PRAMEF12: variants seen among roughly 807,000 people sequenced by gnomAD.
PRAMEF12 encodes PRAME family member 12.
In PRAMEF12, 24 loss-of-function variants were observed where a neutral mutation model predicts 24.6. That is an observed-to-expected ratio of 0.98 (90% CI 0.71 to 1.37). PRAMEF12 has a LOEUF of 1.37. Ranked by LOEUF, PRAMEF12 falls within the 40% of genes most tolerant of loss-of-function variation. PRAMEF12 has a pLI of 0.00. For synonymous variants in PRAMEF12, 286 were observed against 242.6 expected (o/e 1.18, Z -1.66); for missense variants, 646 against 580.3 (o/e 1.11, Z -1.16).
chr1:12,776,918 T>G (rs1639058529), intron 2 of PRAMEF12, 93 bp from the exon 3 acceptor site: 2 of 1,312,772 alleles, frequency 1.5e-6, no homozygotes, highest in Non-Finnish European at 2.1e-6. Context: ...TATCCTCAGA[T>G]AAGCAGAACA....
chr1:12,777,447 G>T lies in PRAMEF12; in HGVS notation c.1300G>T (p.Ala434Ser). ...LCWGRFSQLG[A>S]ELMKTLRDLR... ...CTGGGGAAGATTTTCTCAACTTGGG[G>T]CTGAGCTGATGAAGACACTGAGGGA... The change falls in exon 3 of 3, where the codon GCT becomes TCT. Residue 434 changes from alanine (A) to serine (S), a missense_variant. Ala to Ser is a moderately conservative substitution (Grantham distance 99). Coordinates refer to ENST00000357726, the MANE Select transcript of PRAMEF12 (RefSeq NM_001080830.5). 6.2e-7 allele frequency: 1 copy of T among 1,614,062 alleles called. No individual in the cohort carries two copies. The highest frequency in any genetic ancestry group is 1.7e-4 in the Middle Eastern group (1 of 6,060).
intron 2 of PRAMEF12, 116 bp from the exon 3 acceptor site, chr1:12,776,895 C>A: frequency 1.8e-6 from 2 of 1,098,362 alleles, no homozygotes; most frequent in South Asian, 3.0e-5. Flanking sequence ...ATTCCCACAC[C>A]CCAGGTGCTG....
Position 12,774,712 on chromosome 1 carries a change from G to T in PRAMEF12, c.-156G>T. ...GACATTCTTTATGGTACCAGCAAGGGCAGAATTACAGATTTGTGTCCAGAA... is the reference window on the plus strand; with the variant it reads ...GACATTCTTTATGGTACCAGCAAGGTCAGAATTACAGATTTGTGTCCAGAA... On this transcript the variant is annotated 5_prime_UTR_variant, in exon 1 of 3. Coordinates refer to ENST00000357726, the MANE Select transcript of PRAMEF12 (RefSeq NM_001080830.5). 2 of 684,286 alleles carry T rather than the reference G, an allele frequency of 2.9e-6. No individual in the cohort carries two copies. Among genetic ancestry groups the T allele is most frequent in the Non-Finnish European group, 4.8e-6 (2 of 413,998 alleles). 42.4% of individuals were successfully genotyped at this position (684,286 alleles called of 1,614,324 possible).
rs1639037855 is a variant in PRAMEF12 at position 12,775,603 on chromosome 1, G to T, written c.348G>T (p.Trp116Cys). ...RNVDENFWGI[W>C]SGASALSPEA... ...TGGATGAGAACTTCTGGGGCATATG[G>T]TCTGGAGCTTCTGCACTCTCCCCAG... The change falls in exon 2 of 3, where the codon TGG becomes TGT. Residue 116 changes from tryptophan (W) to cysteine (C), a missense_variant. Transcript: ENST00000357726. 2 of 1,613,910 alleles carry T rather than the reference G, an allele frequency of 1.2e-6. No individual in the cohort carries two copies. The highest frequency in any genetic ancestry group is 1.7e-6 in the Non-Finnish European group (2 of 1,180,010).
In PRAMEF12 at chr1:12,777,463, C is replaced by T; in HGVS notation, c.1316C>T (p.Thr439Ile). 6.2e-7 allele frequency: 1 copy of T among 1,614,146 alleles called. No individual in the cohort carries two copies. Among genetic ancestry groups the T allele is most frequent in the Non-Finnish European group, 8.5e-7 (1 of 1,180,014 alleles). The change falls in exon 3 of 3, where the codon ACA becomes ATA. Residue 439 changes from threonine to isoleucine, a missense_variant. Transcript: ENST00000357726. ...FSQLGAELMKTLRDLRQPKII... is the reference protein window; with the variant it reads ...FSQLGAELMKILRDLRQPKII... ...CAACTTGGGGCTGAGCTGATGAAGACACTGAGGGACTTAAGGCAGCCCAAG... is the reference window on the plus strand; with the variant it reads ...CAACTTGGGGCTGAGCTGATGAAGATACTGAGGGACTTAAGGCAGCCCAAG...
At position 12,774,599 on chromosome 1, in the gene PRAMEF12, C is replaced by T. The variant is rs923184376; in HGVS notation, c.-269C>T. On this transcript the variant is annotated 5_prime_UTR_variant, in exon 1 of 3. The change creates a new upstream start codon in the 5' untranslated region. Coordinates refer to ENST00000357726, the MANE Select transcript of PRAMEF12 (RefSeq NM_001080830.5). ...GCTTAGCTTTCAGGATCCTCAGCAA[C>T]GCTTCCCAGTGTTACTGAGATTTAG... Among the ~76,000 whole-genome samples, 11 of 152,268 alleles carry T rather than the reference C, an allele frequency of 7.2e-5. No homozygotes were observed. Among genetic ancestry groups the T allele is most frequent in the East Asian group, 1.9e-4 (1 of 5,178 alleles).
rs183210737 is a variant in PRAMEF12 at position 12,777,351 on chromosome 1, G to A, written c.1204G>A (p.Gly402Arg). 42 of 1,613,570 alleles carry A rather than the reference G, an allele frequency of 2.6e-5. No individual in the cohort carries two copies. Among genetic ancestry groups the A allele is most frequent in the South Asian group, 2.5e-4 (23 of 91,060 alleles). ...GGAGAACCTGCTGCGCCACACCGTC[G>A]GGCTGAGCAAGCTAAGCCTGGAGCT... ...ALENLLRHTV[G>R]LSKLSLELYP... Residue 402 changes from glycine to arginine, a missense_variant, in exon 3 of 3, where the codon GGG becomes AGG. Transcript: ENST00000357726.
chr1:12,775,194 A>T (rs1375643575), intron 1 of PRAMEF12, 40 bp downstream of exon 1: 6 of 1,576,968 alleles, frequency 3.8e-6, no homozygotes, highest in Non-Finnish European at 4.3e-6. Context: ...GGGCTCAGGC[A>T]TCCAGGGTAG....
At position 12,777,551 on chromosome 1, in the gene PRAMEF12, G is replaced by T; in HGVS notation, c.1404G>T (p.Glu468Asp). Residue 468 changes from glutamate to aspartate, a missense_variant, in exon 3 of 3, where the codon GAG (glutamate) becomes GAT (aspartate). Transcript: ENST00000357726. ...RCGIRASYDL[E>D]PSHCLLNACC... is the part of the protein sequence containing the mutation. ...GCATCAGGGCCTCCTATGACCTGGA[G>T]CCCAGTCACTGTCTGTTGAATGCCT... 1.2e-6 allele frequency: 2 copies of T among 1,614,134 alleles called. No individual in the cohort carries two copies.
chr1:12,775,103 G>A lies in PRAMEF12; in HGVS notation c.236G>A (p.Arg79Gln), dbSNP rs769755107. 12 of 1,614,046 alleles carry A rather than the reference G, an allele frequency of 7.4e-6. No homozygotes were observed. The highest frequency in any genetic ancestry group is 2.2e-5 in the East Asian group (1 of 44,874). The stretch of plus-strand genomic sequence containing the variant: ...AAGTCATGTAATCTAGAGATCTTTC[G>A]AGCTGTGCTGGAGGGGCTTGATGCA... ...LMKSCNLEIF[R>Q]AVLEGLDALL... The change falls in exon 1 of 3, where the codon CGA becomes CAA. Residue 79 changes from arginine to glutamine, a missense_variant. Coordinates refer to ENST00000357726, the MANE Select transcript of PRAMEF12 (RefSeq NM_001080830.5).
chr1:12,777,092 C>T lies in PRAMEF12; in HGVS notation c.945C>T (p.Cys315=). 2 of 1,613,900 alleles carry T rather than the reference C, an allele frequency of 1.2e-6. No individual in the cohort carries two copies. Among genetic ancestry groups the T allele is most frequent in the Non-Finnish European group, 1.7e-6 (2 of 1,179,964 alleles). The change falls in exon 3 of 3, where the codon TGC becomes TGT. Residue 315 remains cysteine, a synonymous_variant. Coordinates refer to ENST00000357726, the MANE Select transcript of PRAMEF12 (RefSeq NM_001080830.5). ...SESDLKHLSW[C]PSIRQLKELD... Reference sequence around the variant, plus strand: ...CGGACCTGAAGCATCTCTCTTGGTGCCCGAGCATCCGTCAGCTAAAAGAGC... The same window carrying T: ...CGGACCTGAAGCATCTCTCTTGGTGTCCGAGCATCCGTCAGCTAAAAGAGC...
At position 12,774,832 on chromosome 1, in the gene PRAMEF12, C is replaced by G. The variant is rs376095298; in HGVS notation, c.-36C>G. Reference sequence around the variant, plus strand: ...GAGATGATGAAGTGATGTGATTTGCCGTAAGAATGATGTTTTTTTCTCTAG... The same window carrying G: ...GAGATGATGAAGTGATGTGATTTGCGGTAAGAATGATGTTTTTTTCTCTAG... On this transcript the variant is annotated 5_prime_UTR_variant, in exon 1 of 3. Coordinates refer to ENST00000357726, the MANE Select transcript of PRAMEF12 (RefSeq NM_001080830.5). 6.5e-7 allele frequency: 1 copy of G among 1,545,706 alleles called. No individual in the cohort carries two copies. Among genetic ancestry groups the G allele is most frequent in the Non-Finnish European group, 8.7e-7 (1 of 1,146,712 alleles).
Position 12,777,643 on chromosome 1 carries a change from T to A in PRAMEF12, c.*44T>A, listed in dbSNP as rs766701617. On this transcript the variant is annotated 3_prime_UTR_variant, in exon 3 of 3. Coordinates refer to ENST00000357726, the MANE Select transcript of PRAMEF12 (RefSeq NM_001080830.5). ...TGGCAACTGAATCCTAGGCCATGAG[T>A]GTATGTCAAAGGGAGCACAGACCCA... 1 of 1,605,598 alleles carries A rather than the reference T, an allele frequency of 6.2e-7. No homozygotes were observed. Among genetic ancestry groups the A allele is most frequent in the South Asian group, 1.1e-5 (1 of 90,470 alleles).
In PRAMEF12 at chr1:12,775,687, C is replaced by T. The variant is rs763870703; in HGVS notation, c.432C>T (p.Pro144=). Residue 144 remains proline, a synonymous_variant, in exon 2 of 3, where the codon CCC becomes CCT. Coordinates refer to ENST00000357726, the MANE Select transcript of PRAMEF12 (RefSeq NM_001080830.5). ...GTCCAAGGCCGGGTGGGCAGCAGCCCTTGATGGTGATCCTAGACCTTTGCT... is the reference window on the plus strand; with the variant it reads ...GTCCAAGGCCGGGTGGGCAGCAGCCTTTGATGGTGATCCTAGACCTTTGCT... ...GNCPRPGGQQ[P]LMVILDLCFK... is the part of the protein sequence containing the mutation. The T allele has an allele frequency of 6.2e-7, 1 of 1,613,810 alleles. No homozygotes were observed.
intron 2 of PRAMEF12, 114 bp downstream of exon 2, chr1:12,776,232 G>C (rs1639050215): frequency 3.6e-6 from 4 of 1,105,416 alleles, no homozygotes; most frequent in Non-Finnish European, 5.4e-6. Flanking sequence ...ACAGCGAAGG[G>C]GACACTAGAA....
In PRAMEF12 at chr1:12,776,085, C is replaced by G. The variant is rs960659506; in HGVS notation, c.830C>G (p.Ser277Cys). ...CAGAAGCTTTACATGCACTCTGTCT[C>G]TTTCCTCGAAGGCCACCTGGACCAG... ...YFQKLYMHSV[S>C]FLEGHLDQLL... The change falls in exon 2 of 3, where the codon TCT (serine) becomes TGT (cysteine). Residue 277 changes from serine to cysteine, a missense_variant. Ser to Cys is a moderately radical substitution (Grantham distance 112). Transcript: ENST00000357726. The G allele has an allele frequency of 2.5e-6, 4 of 1,614,204 alleles. No homozygotes were observed. In the African/African-American group the frequency reaches 4.0e-5, roughly 16 times the overall value.
chr1:12,774,805 A>C lies in PRAMEF12; in HGVS notation c.-63A>C. 277 of 1,430,988 alleles carry C rather than the reference A, an allele frequency of 1.9e-4. No homozygotes were observed. Among genetic ancestry groups the C allele is most frequent in the Middle Eastern group, 2.5e-4 (1 of 3,922 alleles). The allele number at this position is 1,430,988 out of a possible 1,614,324, so 88.6% of individuals were successfully genotyped here. A position where few individuals can be genotyped will look rare whatever the true frequency, so the allele number is the denominator to read the frequency against. On this transcript the variant is annotated 5_prime_UTR_variant, in exon 1 of 3. Transcript: ENST00000357726. ...CTACCAGAGCAATGACATTGGCACTAGGAGATGATGAAGTGATGTGATTTG... is the reference window on the plus strand; with the variant it reads ...CTACCAGAGCAATGACATTGGCACTCGGAGATGATGAAGTGATGTGATTTG...
At position 12,775,055 on chromosome 1, in the gene PRAMEF12, G is replaced by A; in HGVS notation, c.188G>A (p.Cys63Tyr). The change falls in exon 1 of 3, where the codon TGC (cysteine) becomes TAC (tyrosine). Residue 63 changes from cysteine (C) to tyrosine (Y), a missense_variant. By Grantham distance (194) the Cys-to-Tyr change is radical. Transcript: ENST00000357726. The stretch of plus-strand genomic sequence containing the variant: ...ATGGTGCAGGCCTGGCCCTTCACCT[G>A]CCTTCCTCTAGGGTCCCTGATGAAG... ...TTMVQAWPFT[C>Y]LPLGSLMKSC... 6.2e-7 allele frequency: 1 copy of A among 1,614,160 alleles called. No individual in the cohort carries two copies. The highest frequency in any genetic ancestry group is 8.5e-7 in the Non-Finnish European group (1 of 1,180,010).
chr1:12,775,918 G>T lies in PRAMEF12; in HGVS notation c.663G>T (p.Arg221Ser), dbSNP rs753766856. ...CCPWELSILI[R>S]FAPYLGQMRN... The stretch of plus-strand genomic sequence containing the variant: ...CGTGGGAGCTGTCCATTCTTATAAG[G>T]TTCGCCCCTTACCTGGGCCAGATGA... The change falls in exon 2 of 3, where the codon AGG (arginine) becomes AGT (serine). Residue 221 changes from arginine (R) to serine (S), a missense_variant. Transcript: ENST00000357726. 61 of 1,613,952 alleles carry T rather than the reference G, an allele frequency of 3.8e-5. No homozygotes were observed. The highest frequency in any genetic ancestry group is 4.9e-5 in the Non-Finnish European group (58 of 1,180,010).
Sources: allele counts gnomAD v4.1 joint callset (sites outside exome capture counted in the v4.1 genomes callset), GRCh38; gene constraint gnomAD v4.1.1; transcripts MANE v1.5; gene names NCBI Gene and HGNC (gene_info 2026-07-23, HGNC 2026-07-21).